The following PDE4D variants were observed in gnomAD, a reference collection of about 807,000 sequenced individuals.
PDE4D encodes 3',5'-cyclic-AMP phosphodiesterase 4D.
A neutral mutation model predicts 87.4 loss-of-function variants in PDE4D; 24 were observed. That is an observed-to-expected ratio of 0.27 (90% CI 0.20 to 0.39). The LOEUF is 0.39. PDE4D is among the 10% of genes least tolerant of loss of function. The pLI is 1.00. For synonymous variants in PDE4D, 384 were observed against 383.2 expected (o/e 1.00, Z -0.02); for missense variants, 714 against 1,041.0 (o/e 0.69, Z 4.32).
At chr5:59,058,413 C>A (rs1444945925) in intron 5 of PDE4D, among the ~76,000 whole-genome samples, 1 of 152,144 alleles carries the variant, frequency 6.6e-6, no homozygotes, top group Non-Finnish European at 1.5e-5. Context: ...TAATGACTAT[C>A]ACATTGATTT....
upstream of PDE4D, among the ~76,000 whole-genome samples, chr5:59,897,209 A>G (rs1751752331): frequency 6.6e-6 from 1 of 152,104 alleles, no homozygotes; most frequent in Non-Finnish European, 1.5e-5. Flanking sequence ...TACCACCCCC[A>G]CCCTTTTCTG....
At chr5:60,141,116 G>A (rs1282584090) in intron 2 of PDE4D, among the ~76,000 whole-genome samples, 1 of 152,002 alleles carries the variant, frequency 6.6e-6, no homozygotes, top group African/African-American at 2.4e-5. Context: ...TTTTTTATAG[G>A]AAAATTGGCC....
intron 3 of PDE4D, among the ~76,000 whole-genome samples, chr5:59,925,420 T>G (rs1285235982): frequency 1.3e-5 from 2 of 151,156 alleles, no homozygotes; most frequent in African/African-American, 4.9e-5. Flanking sequence ...GCAGAGAAAA[T>G]CACCTTTACT....
At chr5:59,167,672 CTT>C (rs1482412536) in intron 5 of PDE4D, among the ~76,000 whole-genome samples, 1 of 152,204 alleles carries the variant, frequency 6.6e-6, no homozygotes, top group Admixed American at 6.5e-5. Context: ...TCCTTTCTCT[CTT>C]CTTTATTTTA....
chr5:59,956,306 T>A (rs913770303), intron 3 of PDE4D, among the ~76,000 whole-genome samples: 1 of 152,152 alleles, frequency 6.6e-6, no homozygotes, highest in Non-Finnish European at 1.5e-5. Flanking sequence ...CCCTTGCAGT[T>A]CCTCACAGGA....
intron 1 of PDE4D, among the ~76,000 whole-genome samples, chr5:59,852,487 C>A (rs1023247916): frequency 2.6e-5 from 4 of 152,038 alleles, no homozygotes; most frequent in Non-Finnish European, 5.9e-5. Flanking sequence ...CTCCCCCCAA[C>A]AGCAGGCACT....
intron 1 of PDE4D, among the ~76,000 whole-genome samples, chr5:60,244,569 C>T (rs1747497376): frequency 6.6e-6 from 1 of 151,796 alleles, no homozygotes; most frequent in Admixed American, 6.6e-5. Flanking sequence ...GCTATAGTAA[C>T]AAAAACAGCA....
At chr5:59,279,851 A>G (rs565932299) in intron 1 of PDE4D, among the ~76,000 whole-genome samples, 15 of 151,854 alleles carry the variant, frequency 9.9e-5, no homozygotes, top group Non-Finnish European at 1.8e-4. Context: ...GAAAGAAAAG[A>G]GGAAGAGAAA....
At chr5:60,135,711 A>C (rs1178120364) in intron 2 of PDE4D, among the ~76,000 whole-genome samples, 6 of 152,162 alleles carry the variant, frequency 3.9e-5, no homozygotes, top group Non-Finnish European at 8.8e-5. Context: ...TGCTGGAAGA[A>C]AGGTCAGGGG....
intron 1 of PDE4D, among the ~76,000 whole-genome samples, chr5:60,334,565 A>G (rs1444101514): frequency 6.6e-6 from 1 of 151,898 alleles, no homozygotes; most frequent in Non-Finnish European, 1.5e-5. Flanking sequence ...ATTACACAAG[A>G]TGTGTCCTCT....
At chr5:60,209,172 ATTTTTTCTTTTTTTC>A (rs1358194054) in intron 1 of PDE4D, among the ~76,000 whole-genome samples, 3 of 113,802 alleles carry the variant, frequency 2.6e-5, no homozygotes, top group South Asian at 2.9e-4. Context: ...CAAGGAAAGT[ATTTTTTCTTTTTTTC>A]TTTTTTTTTT....
At chr5:59,980,420 T>A (rs1163270905) in intron 3 of PDE4D, among the ~76,000 whole-genome samples, 1 of 152,188 alleles carries the variant, frequency 6.6e-6, no homozygotes, top group African/African-American at 2.4e-5. Context: ...AATATGGGAT[T>A]CCCCAACCAA....
At chr5:59,538,463 G>A (rs2153682948) in intron 1 of PDE4D, among the ~76,000 whole-genome samples, 1 of 151,832 alleles carries the variant, frequency 6.6e-6, no homozygotes, top group South Asian at 2.1e-4. Flanking sequence ...TCTTCTAGTT[G>A]TCCCAAGTGT....
chr5:60,198,054 T>TG (rs1741474060), intron 1 of PDE4D, among the ~76,000 whole-genome samples: 1 of 149,884 alleles, frequency 6.7e-6, no homozygotes, highest in Non-Finnish European at 1.5e-5. Flanking sequence ...TTTTTTTTTT[T>TG]GCTTTTCAAG....
At chr5:59,233,735 GC>G (rs1755748319) in intron 1 of PDE4D, among the ~76,000 whole-genome samples, 2 of 152,086 alleles carry the variant, frequency 1.3e-5, no homozygotes, top group African/African-American at 4.8e-5. Context: ...ATATTTCATT[GC>G]CACCTTAGAG....
At chr5:59,393,310 A>T (rs1024122380) in intron 1 of PDE4D, among the ~76,000 whole-genome samples, 4 of 152,192 alleles carry the variant, frequency 2.6e-5, no homozygotes, top group African/African-American at 9.7e-5. Flanking sequence ...CTGCCTACGT[A>T]AAGGCACTTT....
At chr5:58,976,582 A>G (rs1743853288) in intron 12 of PDE4D, 110 bp from the exon 13 acceptor site, 4 of 862,708 alleles carry the variant, frequency 4.6e-6, no homozygotes. Flanking sequence ...ATGCCTTTTA[A>G]TGACAGTGGA....
chr5:59,119,397 C>T (rs1421032908), intron 5 of PDE4D, among the ~76,000 whole-genome samples: 1 of 152,168 alleles, frequency 6.6e-6, no homozygotes, highest in Non-Finnish European at 1.5e-5. Context: ...CACAGAAGTA[C>T]ATTTATCTGG....
intron 1 of PDE4D, among the ~76,000 whole-genome samples, chr5:59,520,524 G>A (rs567760326): frequency 6.6e-6 from 1 of 152,266 alleles, no homozygotes; most frequent in Admixed American, 6.5e-5. Flanking sequence ...AAAGGCATGG[G>A]CATTGTGGTG....
Sources: gnomAD v4.1 joint callset for allele counts (sites outside exome capture counted in the v4.1 genomes callset) on GRCh38, gnomAD v4.1.1 for gene constraint, MANE v1.5 for transcripts, NCBI Gene and HGNC (gene_info 2026-07-23, HGNC 2026-07-21) for gene names.